Variants in PPM1H observed in about 807,000 individuals in gnomAD.
PPM1H encodes protein phosphatase, Mg2+/Mn2+ dependent 1H.
A neutral mutation model predicts 54.9 loss-of-function variants in PPM1H; 27 were observed. The ratio of observed to expected loss-of-function variants is 0.49; its 90% CI spans 0.36 to 0.68. The LOEUF (loss-of-function observed/expected upper bound fraction) is 0.68. PPM1H is among the 30% of genes least tolerant of loss of function. PPM1H has a pLI of 0.00. For synonymous variants in PPM1H, 305 were observed against 270.8 expected, an observed-to-expected ratio of 1.13 and a Z score of -1.24; for missense variants, 596 against 667.8, an observed-to-expected ratio of 0.89 and a Z score of 1.19.
At chr12:62,758,134 G>A (rs1031669154) in intron 4 of PPM1H, among the ~76,000 whole-genome samples, 1 of 152,150 alleles carries the variant, frequency 6.6e-6, no homozygotes, top group Non-Finnish European at 1.5e-5. Context: ...TTCAATAATA[G>A]ATTTAAAAAG....
intron 8 of PPM1H, among the ~76,000 whole-genome samples, chr12:62,677,459 C>G (rs2075994278): frequency 2.0e-5 from 3 of 152,194 alleles, no homozygotes; most frequent in Admixed American, 2.0e-4. Context: ...CTTTGGGGCT[C>G]TACAGTTCCT....
At chr12:62,819,908 T>C (rs976262387) in intron 2 of PPM1H, among the ~76,000 whole-genome samples, 2 of 152,178 alleles carry the variant, frequency 1.3e-5, no homozygotes, top group East Asian at 3.9e-4. Flanking sequence ...ACCTGGTTCA[T>C]CTCATTGGGA....
rs114575540 is a variant in PPM1H, at chr12:62,891,183, A to G, written c.245+43309T>C. ...TCCTTAAAAGTGATGTAAGTTCTTC[A>G]TAATCTTGTTACACACTCTCTCTGG... On this transcript the variant is annotated intron_variant, in intron 1 of 9. Coordinates refer to ENST00000228705, the MANE Select transcript of PPM1H (RefSeq NM_020700.2). Among the ~76,000 whole-genome samples, 519 of 151,802 alleles carry G rather than the reference A, an allele frequency of 3.4e-3. 6 individuals carry two copies. The highest frequency in any genetic ancestry group is 0.012 in the African/African-American group (499 of 41,344).
intron 9 of PPM1H, among the ~76,000 whole-genome samples, chr12:62,662,766 G>A (rs1379990327): frequency 6.6e-6 from 1 of 152,038 alleles, no homozygotes; most frequent in Non-Finnish European, 1.5e-5. Flanking sequence ...CAATGTACCT[G>A]CCATCTACTT....
intron 1 of PPM1H, among the ~76,000 whole-genome samples, chr12:62,875,857 TCACTAAGG>T (rs1870150650): frequency 6.6e-6 from 1 of 152,178 alleles, no homozygotes; most frequent in East Asian, 1.9e-4. Flanking sequence ...GAACTGGGCA[TCACTAAGG>T]CCTCTGTGAA....
intron 1 of PPM1H, among the ~76,000 whole-genome samples, chr12:62,859,862 C>G (rs964361201): frequency 1.3e-5 from 2 of 152,162 alleles, no homozygotes; most frequent in Admixed American, 1.3e-4. Context: ...GCTTCTCTTT[C>G]ACTTCTTAAG....
At chr12:62,910,496 T>TA (rs1565826691) in intron 1 of PPM1H, among the ~76,000 whole-genome samples, 1 of 152,176 alleles carries the variant, frequency 6.6e-6, no homozygotes, top group African/African-American at 2.4e-5. Context: ...TCTTTTTTTT[T>TA]AATGAAGCAA....
chr12:62,930,913 T>C (rs1872113257), intron 1 of PPM1H, among the ~76,000 whole-genome samples: 1 of 152,196 alleles, frequency 6.6e-6, no homozygotes, highest in African/African-American at 2.4e-5. Flanking sequence ...TCAGCTGTAA[T>C]AGGAAGCTTT....
chr12:62,755,578 G>T, intron 4 of PPM1H: 1 of 660,128 alleles, frequency 1.5e-6, no homozygotes, highest in Middle Eastern at 3.7e-4. Flanking sequence ...AGCCAAAAGG[G>T]TCATCATCTC....
At chr12:62,900,846 C>A (rs1871148800) in intron 1 of PPM1H, among the ~76,000 whole-genome samples, 1 of 152,216 alleles carries the variant, frequency 6.6e-6, no homozygotes, top group African/African-American at 2.4e-5. Context: ...AATTGCTATG[C>A]TGACCTTACA....
intron 1 of PPM1H, among the ~76,000 whole-genome samples, chr12:62,852,129 T>C (rs1869213561): frequency 6.8e-6 from 1 of 147,376 alleles, no homozygotes; most frequent in Admixed American, 7.0e-5. Context: ...TTCAGGAGGC[T>C]GAGGCAGGAG....
chr12:62,768,569 G>A (rs546642323), intron 4 of PPM1H, among the ~76,000 whole-genome samples: 7 of 152,030 alleles, frequency 4.6e-5, no homozygotes, highest in South Asian at 4.2e-4. Context: ...GCAGGAGAAC[G>A]GCTTGAACCC....
intron 7 of PPM1H, among the ~76,000 whole-genome samples, chr12:62,690,334 C>T (rs1212919091): frequency 3.9e-5 from 6 of 152,266 alleles, no homozygotes; most frequent in Admixed American, 1.3e-4. Flanking sequence ...ATAGCTCTTG[C>T]CCTCCCAGAG....
rs569599737 is a variant in PPM1H, at chr12:62,902,547, G to T, written c.245+31945C>A. Among the ~76,000 whole-genome samples the T allele has an allele frequency of 7.2e-5, 11 of 152,240 alleles. No homozygotes were observed. In the South Asian group the frequency reaches 2.3e-3, roughly 32 times the overall value. On this transcript the variant is annotated intron_variant, in intron 1 of 9. Coordinates refer to ENST00000228705, the MANE Select transcript of PPM1H (RefSeq NM_020700.2). ...GCCTTCTTCAGCACAGCCTGATAAG[G>T]CTCTCATGGGGTCCCCCCGCCCCTG...
chr12:62,701,158 G>A (rs917608032), intron 6 of PPM1H, among the ~76,000 whole-genome samples: 2 of 152,228 alleles, frequency 1.3e-5, no homozygotes, highest in South Asian at 2.1e-4. Context: ...GGCTTTATTC[G>A]TATTTTCTTG....
intron 2 of PPM1H, among the ~76,000 whole-genome samples, chr12:62,831,371 AGCTTCTT>A (rs1476741960): frequency 6.6e-6 from 1 of 152,102 alleles, no homozygotes; most frequent in Non-Finnish European, 1.5e-5. Flanking sequence ...CTTTGCTGAG[AGCTTCTT>A]CAGAGCTTTC....
intron 3 of PPM1H, among the ~76,000 whole-genome samples, chr12:62,789,225 G>C (rs1211320326): frequency 6.6e-6 from 1 of 152,062 alleles, no homozygotes; most frequent in East Asian, 1.9e-4. Context: ...ATGTTGCCCA[G>C]GCTGGTCTCA....
chr12:62,807,956 G>A (rs1466165480), intron 2 of PPM1H, among the ~76,000 whole-genome samples: 1 of 152,310 alleles, frequency 6.6e-6, no homozygotes, highest in Admixed American at 6.5e-5. Context: ...TCCAGCATCA[G>A]CCTCTTGAGT....
At chr12:62,661,560 C>T (rs1307909320) in intron 9 of PPM1H, among the ~76,000 whole-genome samples, 1 of 152,174 alleles carries the variant, frequency 6.6e-6, no homozygotes, top group African/African-American at 2.4e-5. Flanking sequence ...CCATGCCCAG[C>T]TAATTTTTGT....
Sources: allele counts gnomAD v4.1 joint callset (sites outside exome capture counted in the v4.1 genomes callset), GRCh38; gene constraint gnomAD v4.1.1; transcripts MANE v1.5; gene names NCBI Gene and HGNC (gene_info 2026-07-23, HGNC 2026-07-21).